SGSM1: variants seen among roughly 807,000 people sequenced by gnomAD.
The protein encoded by SGSM1 is RUN and TBC1 domain containing 2.
SGSM1 carries 73 observed loss-of-function variants against 133.8 expected under a neutral mutation model. That is an observed-to-expected ratio of 0.55 (90% CI 0.45 to 0.66). The LOEUF (loss-of-function observed/expected upper bound fraction) is 0.66. Ranked by LOEUF, SGSM1 falls within the 30% of genes least tolerant of loss-of-function variation. SGSM1 has a pLI of 0.00. For synonymous variants in SGSM1, 563 were observed against 573.0 expected (o/e 0.98, Z 0.25); for missense variants, 1,213 against 1,448.1 (o/e 0.84, Z 2.64).
At chr22:24,878,694 T>A (rs1208416216) in intron 13 of SGSM1, among the ~76,000 whole-genome samples, 1 of 152,174 alleles carries the variant, frequency 6.6e-6, no homozygotes, top group Non-Finnish European at 1.5e-5. Flanking sequence ...TCTCACCTCT[T>A]TCAGCCGAAA....
chr22:24,903,792 C>T (rs914643722), intron 20 of SGSM1, among the ~76,000 whole-genome samples: 4 of 151,656 alleles, frequency 2.6e-5, no homozygotes, highest in Admixed American at 6.6e-5. Flanking sequence ...GCCAACATGG[C>T]GAAACCCTGT....
chr22:24,839,481 C>G (rs912367846), intron 2 of SGSM1, among the ~76,000 whole-genome samples: 2 of 152,196 alleles, frequency 1.3e-5, no homozygotes, highest in African/African-American at 4.8e-5. Context: ...GCTTTGGTTT[C>G]AAGGTAGCCC....
intron 8 of SGSM1, among the ~76,000 whole-genome samples, chr22:24,857,527 C>A (rs76106282): frequency 0.019 from 2,940 of 151,950 alleles, 88 homozygotes; most frequent in African/African-American, 0.068. Context: ...TTGAAACTTA[C>A]GTGGATGTAG....
chr22:24,890,047 G>T (rs574056521), intron 16 of SGSM1, among the ~76,000 whole-genome samples: 5 of 149,520 alleles, frequency 3.3e-5, no homozygotes, highest in African/African-American at 9.9e-5. Context: ...AGCTCTGCCT[G>T]CTGGGTTCAC....
intron 15 of SGSM1, among the ~76,000 whole-genome samples, chr22:24,885,435 CT>C (rs749418833): frequency 0.016 from 1,934 of 122,016 alleles, 7 homozygotes; most frequent in African/African-American, 0.04. Flanking sequence ...CATTGAGCAC[CT>C]TTTTTTTTTT....
intron 20 of SGSM1, among the ~76,000 whole-genome samples, chr22:24,902,637 T>C (rs1489350769): frequency 6.6e-6 from 1 of 152,114 alleles, no homozygotes. Context: ...TAGTGAGCTA[T>C]GATTACACCA....
At chr22:24,855,461 G>A (rs1452660815) in intron 7 of SGSM1, 31 bp downstream of exon 7, 10 of 1,613,240 alleles carry the variant, frequency 6.2e-6, no homozygotes, top group Non-Finnish European at 8.5e-6. Flanking sequence ...GGCAGTGGGA[G>A]GGACCTTACA....
intron 21 of SGSM1, among the ~76,000 whole-genome samples, chr22:24,906,585 A>G (rs184032137): frequency 2.0e-5 from 3 of 152,358 alleles, no homozygotes; most frequent in Non-Finnish European, 2.9e-5. Context: ...ACTTGAAATG[A>G]ACAATCCCAA....
rs1555926665 is a variant in SGSM1, at chr22:24,860,922, A to AATATATATATAT, written c.926+1098_926+1109dup. ...TAAAAAAAAAAAAAAAAAAAAAAAA[A>AATATATATATAT]ATATATATATATATATATATATATA... On this transcript the variant is annotated intron_variant, in intron 9 of 24. Transcript: ENST00000400358. Among the ~76,000 whole-genome samples, 79 of 37,584 alleles carry AATATATATATAT rather than the reference A, an allele frequency of 2.1e-3. 2 individuals are homozygous for AATATATATATAT. Among genetic ancestry groups the AATATATATATAT allele is most frequent in the African/African-American group, 6.5e-3 (42 of 6,492 alleles). The allele number at this position is 37,584 out of a possible 152,430, so 24.7% of individuals were successfully genotyped here.
At chr22:24,808,833 G>T (rs1927568090) in intron 2 of SGSM1, among the ~76,000 whole-genome samples, 1 of 152,282 alleles carries the variant, frequency 6.6e-6, no homozygotes, top group African/African-American at 2.4e-5. Context: ...GGAATAACTT[G>T]CCCAAGAGCA....
chr22:24,898,449 C>G lies in SGSM1; in HGVS notation c.2500C>G (p.Leu834Val). The G allele has an allele frequency of 6.2e-7, 1 of 1,613,924 alleles. No homozygotes were observed. The highest frequency in any genetic ancestry group is 8.5e-7 in the Non-Finnish European group (1 of 1,179,882). The change falls in exon 19 of 25, where the codon CTC (leucine) becomes GTC (valine). Residue 834 changes from leucine to valine, a missense_variant. Leu to Val is a conservative substitution (Grantham distance 32, BLOSUM62 1). Coordinates refer to ENST00000400358, the MANE Select transcript of SGSM1 (RefSeq NM_001098497.3). Reference protein sequence around the residue: ...KHGQADSEDNLSEEPEMESLF... With the variant: ...KHGQADSEDNVSEEPEMESLF... Reference sequence around the variant, plus strand: ...TGGCCAGGCGGACAGTGAGGACAACCTCTCGGAGGAGCCTGAGATGGAAAG... The same window carrying G: ...TGGCCAGGCGGACAGTGAGGACAACGTCTCGGAGGAGCCTGAGATGGAAAG...
intron 2 of SGSM1, among the ~76,000 whole-genome samples, chr22:24,836,838 T>C (rs1180044160): frequency 6.6e-6 from 1 of 152,266 alleles, no homozygotes; most frequent in Admixed American, 6.5e-5. Flanking sequence ...ATCACATAGA[T>C]GATTTGCAGA....
chr22:24,915,364 A>G (rs1180586336), intron 22 of SGSM1, among the ~76,000 whole-genome samples: 1 of 152,238 alleles, frequency 6.6e-6, no homozygotes, highest in Non-Finnish European at 1.5e-5. Flanking sequence ...GGGAATGCAC[A>G]TCCTCAGTTT....
At chr22:24,898,924 G>A (rs139734) in intron 19 of SGSM1, among the ~76,000 whole-genome samples, 53,441 of 150,412 alleles carry the variant, frequency 0.36, 9,544 homozygotes, top group East Asian at 0.54. Flanking sequence ...CTACTTGGGA[G>A]GCTGAGGCAA....
At chr22:24,828,050 A>T (rs1008498161) in intron 2 of SGSM1, among the ~76,000 whole-genome samples, 1 of 151,994 alleles carries the variant, frequency 6.6e-6, no homozygotes, top group Non-Finnish European at 1.5e-5. Flanking sequence ...TTTGGGTGTG[A>T]TTGGTGCAGT....
chr22:24,901,716 A>C (rs1342041707), intron 19 of SGSM1, 117 bp from the exon 20 acceptor site: 5 of 1,155,804 alleles, frequency 4.3e-6, no homozygotes, highest in Non-Finnish European at 5.9e-6. Flanking sequence ...TGGGAGATGT[A>C]TTTTCAGTGA....
intron 24 of SGSM1, among the ~76,000 whole-genome samples, chr22:24,921,338 G>A (rs1465670854): frequency 1.3e-5 from 2 of 152,132 alleles, no homozygotes; most frequent in Non-Finnish European, 2.9e-5. Context: ...GACCTCAGGC[G>A]ATCCGTCTGC....
intron 2 of SGSM1, among the ~76,000 whole-genome samples, chr22:24,808,670 C>T (rs904137139): frequency 3.3e-5 from 5 of 152,178 alleles, no homozygotes; most frequent in African/African-American, 1.2e-4. Context: ...AGGCCCAGGT[C>T]CCAGCTCAGC....
intron 3 of SGSM1, among the ~76,000 whole-genome samples, chr22:24,846,872 G>A (rs149980263): frequency 0.034 from 5,070 of 149,848 alleles, 306 homozygotes; most frequent in African/African-American, 0.12. Flanking sequence ...ACGGAGTCTC[G>A]CTCTGTCGCC....
Sources: allele counts gnomAD v4.1 joint callset (sites outside exome capture counted in the v4.1 genomes callset), GRCh38; gene constraint gnomAD v4.1.1; transcripts MANE v1.5; gene names NCBI Gene and HGNC (gene_info 2026-07-23, HGNC 2026-07-21).